MEI4: variants seen among roughly 807,000 people sequenced by gnomAD.
MEI4 encodes the protein meiotic double-stranded break formation protein 4, also known as meiosis-specific protein MEI4.
A neutral mutation model predicts 31.4 loss-of-function variants in MEI4; 27 were observed. That is an observed-to-expected ratio of 0.86 (90% CI 0.63 to 1.19). The LOEUF is 1.19. Among genes scored for constraint, MEI4 ranks in the 50% most tolerant of loss-of-function variants. MEI4 has a pLI of 0.00. For missense variants in MEI4, 329 were observed against 398.9 expected (o/e 0.82, Z 1.49); for synonymous variants, 122 against 145.4 (o/e 0.84, Z 1.16).
chr6:77,660,727 C>T (rs1433540183), intron 1 of MEI4, among the ~76,000 whole-genome samples: 3 of 152,138 alleles, frequency 2.0e-5, no homozygotes, highest in Non-Finnish European at 4.4e-5. Flanking sequence ...GTACTTGCAA[C>T]TTCCAGGAGG....
chr6:77,798,141 G>A (rs1582156084), intron 3 of MEI4, among the ~76,000 whole-genome samples: 1 of 151,896 alleles, frequency 6.6e-6, no homozygotes, highest in East Asian at 1.9e-4. Flanking sequence ...ATATAATAAT[G>A]CAACCATTAA....
intron 2 of MEI4, among the ~76,000 whole-genome samples, chr6:77,757,736 A>G (rs1289954094): frequency 3.3e-5 from 5 of 152,254 alleles, no homozygotes; most frequent in Non-Finnish European, 7.3e-5. Flanking sequence ...CCATGAAAGA[A>G]AAGTATAATT....
intron 1 of MEI4, among the ~76,000 whole-genome samples, chr6:77,687,293 G>A (rs1769076301): frequency 6.6e-6 from 1 of 152,088 alleles, no homozygotes; most frequent in African/African-American, 2.4e-5. Context: ...GATATTAAAT[G>A]TTCATTTTCA....
intron 4 of MEI4, among the ~76,000 whole-genome samples, chr6:77,902,496 T>C (rs1766205619): frequency 6.6e-6 from 1 of 152,172 alleles, no homozygotes; most frequent in South Asian, 2.1e-4. Context: ...CTCTTGATTG[T>C]GTGGCTAGTT....
intron 2 of MEI4, among the ~76,000 whole-genome samples, chr6:77,749,396 A>G (rs1767704905): frequency 6.6e-6 from 1 of 152,164 alleles, no homozygotes; most frequent in South Asian, 2.1e-4. Flanking sequence ...ATTGCTTACT[A>G]GAACAGCAAG....
chr6:77,660,620 G>T (rs1005237522), intron 1 of MEI4, among the ~76,000 whole-genome samples: 12 of 152,134 alleles, frequency 7.9e-5, no homozygotes, highest in African/African-American at 2.4e-4. Flanking sequence ...GTAGGGTAAG[G>T]ACAAAAAGAC....
In MEI4 at chr6:77,684,596, G is replaced by A. The variant is rs9443439; in HGVS notation, c.-14-6062G>A. Among the ~76,000 whole-genome samples the A allele has an allele frequency of 8.2e-3, 1,239 of 151,984 alleles. 14 individuals carry two copies. The highest frequency in any genetic ancestry group is 0.027 in the African/African-American group (1,108 of 41,478). ...TTAGATCCCACAAATAAGTGAGAACGTGCAATGTTTGTCTTTCTGTCCCTG... is the reference window on the plus strand; with the variant it reads ...TTAGATCCCACAAATAAGTGAGAACATGCAATGTTTGTCTTTCTGTCCCTG... On this transcript the variant is annotated intron_variant, in intron 1 of 4. Transcript: ENST00000684080.
intron 3 of MEI4, among the ~76,000 whole-genome samples, chr6:77,801,617 G>C (rs1268646552): frequency 6.6e-6 from 1 of 151,958 alleles, no homozygotes; most frequent in Non-Finnish European, 1.5e-5. Context: ...TTTCTCTTGT[G>C]GGCATTTAGT....
intron 1 of MEI4, among the ~76,000 whole-genome samples, chr6:77,665,083 C>T (rs527445792): frequency 6.6e-6 from 1 of 151,616 alleles, no homozygotes; most frequent in African/African-American, 2.4e-5. Flanking sequence ...GGGGTTCTTA[C>T]CTGCCAGAAA....
chr6:77,744,157 G>A (rs1366769524), intron 2 of MEI4, among the ~76,000 whole-genome samples: 1 of 152,112 alleles, frequency 6.6e-6, no homozygotes, highest in African/African-American at 2.4e-5. Context: ...GGCTTCAGAC[G>A]ATCAAACTAC....
intron 4 of MEI4, among the ~76,000 whole-genome samples, chr6:77,898,064 G>A (rs780824629): frequency 9.9e-5 from 15 of 151,886 alleles, no homozygotes; most frequent in Non-Finnish European, 1.5e-4. Flanking sequence ...GTGATTTTTT[G>A]ACTCTGTTCT....
At chr6:77,896,326 C>T (rs1473546481) in intron 4 of MEI4, among the ~76,000 whole-genome samples, 1 of 152,070 alleles carries the variant, frequency 6.6e-6, no homozygotes, top group East Asian at 1.9e-4. Context: ...CAGGATGTTT[C>T]ACCAAAGAAA....
chr6:77,743,213 G>C (rs12661488), intron 2 of MEI4, among the ~76,000 whole-genome samples: 13,970 of 152,146 alleles, frequency 0.092, 915 homozygotes, highest in East Asian at 0.3. Flanking sequence ...ACCTTGGGCA[G>C]TATGGCCATT....
At chr6:77,795,187 C>A (rs1162962373) in intron 3 of MEI4, among the ~76,000 whole-genome samples, 3 of 152,004 alleles carry the variant, frequency 2.0e-5, no homozygotes, top group Non-Finnish European at 4.4e-5. Context: ...AAGCCCAAAG[C>A]TAGCATAATG....
intron 2 of MEI4, among the ~76,000 whole-genome samples, chr6:77,749,390 C>T (rs940262293): frequency 2.2e-4 from 34 of 152,106 alleles, no homozygotes; most frequent in African/African-American, 6.5e-4. Context: ...AGATGCATTG[C>T]TTACTAGAAC....
intron 3 of MEI4, among the ~76,000 whole-genome samples, chr6:77,803,565 C>T (rs949565940): frequency 2.6e-5 from 4 of 152,152 alleles, no homozygotes; most frequent in African/African-American, 9.7e-5. Context: ...TTGGAGTTTC[C>T]AGTTTTTCTG....
intron 2 of MEI4, among the ~76,000 whole-genome samples, chr6:77,728,964 A>T (rs1009598037): frequency 3.9e-5 from 6 of 152,178 alleles, no homozygotes; most frequent in Non-Finnish European, 7.3e-5. Context: ...CCCATAAGGG[A>T]GGTGATAATG....
At chr6:77,789,389 G>T (rs1395119586) in intron 3 of MEI4, among the ~76,000 whole-genome samples, 1 of 152,164 alleles carries the variant, frequency 6.6e-6, no homozygotes, top group Non-Finnish European at 1.5e-5. Context: ...GACAACAAAA[G>T]CCAAAATTTA....
chr6:77,752,149 C>T (rs1424559437), intron 2 of MEI4, among the ~76,000 whole-genome samples: 1 of 152,120 alleles, frequency 6.6e-6, no homozygotes, highest in Non-Finnish European at 1.5e-5. Context: ...ATGACAAACC[C>T]ACAGCCAATA....
Sources: gnomAD v4.1 joint callset for allele counts (sites outside exome capture counted in the v4.1 genomes callset) on GRCh38, gnomAD v4.1.1 for gene constraint, MANE v1.5 for transcripts, NCBI Gene and HGNC (gene_info 2026-07-23, HGNC 2026-07-21) for gene names.